TET2: variants seen among roughly 807,000 people sequenced by gnomAD.
TET2 encodes tet methylcytosine dioxygenase 2, also known as methylcytosine dioxygenase TET2.
TET2 carries 299 observed loss-of-function variants against 142.9 expected under a neutral mutation model. That is an observed-to-expected ratio of 2.09 (90% CI 1.90 to 2.30). The LOEUF is 2.30. Among genes scored for constraint, TET2 ranks in the 30% most tolerant of loss-of-function variants. TET2 has a pLI of 0.00. For synonymous variants in TET2, 819 were observed against 849.0 expected (o/e 0.96, Z 0.61); for missense variants, 2,418 against 2,378.0 (o/e 1.02, Z -0.35).
chr4:105,172,586 T>G (rs1724536019), intron 1 of TET2: 2 of 152,350 alleles, frequency 1.3e-5, no homozygotes, highest in Admixed American at 1.3e-4. Flanking sequence ...AACCTGTATT[T>G]TAAGGTCAAC....
rs1730328842 is a variant in TET2 at position 105,259,719 on chromosome 4, A to G, written c.3904A>G (p.Arg1302Gly). ...GTACTACAATGGATGTAAGTTTGCC[A>G]GAAGCAAGATCCCAAGGAAGTTTAA... ...SMYYNGCKFA[R>G]SKIPRKFKLL... Residue 1302 changes from arginine to glycine, a missense_variant, in exon 7 of 11, where the codon AGA becomes GGA. Transcript: ENST00000380013. 4 of 1,551,132 alleles carry G rather than the reference A, an allele frequency of 2.6e-6. No individual in the cohort carries two copies. Among genetic ancestry groups the G allele is most frequent in the Non-Finnish European group, 3.5e-6 (4 of 1,146,566 alleles).
At chr4:105,244,715 C>T (rs578038657) in intron 6 of TET2, among the ~76,000 whole-genome samples, 15 of 151,296 alleles carry the variant, frequency 9.9e-5, no homozygotes, top group East Asian at 3.9e-4. Context: ...CCTGCCTCAG[C>T]CTCCCTAGTA....
chr4:105,194,431 C>T (rs958747152), intron 2 of TET2, among the ~76,000 whole-genome samples: 2 of 152,012 alleles, frequency 1.3e-5, no homozygotes, highest in Admixed American at 6.6e-5. Flanking sequence ...TTCTGTTTAT[C>T]TTTCAGAAGA....
rs753055492 is a variant in TET2, at chr4:105,236,575, T to A, written c.2633T>A (p.Leu878His). Residue 878 changes from leucine to histidine, a missense_variant, in exon 3 of 11, where the codon CTT becomes CAT. Transcript: ENST00000380013. Reference protein sequence around the residue: ...FPNNVIPKQDLLHRCFQEQEQ... With the variant: ...FPNNVIPKQDHLHRCFQEQEQ... ...AATAATGTGATCCCAAAGCAAGATC[T>A]TCTTCACAGGTGCTTTCAAGAACAG... The A allele has an allele frequency of 3.1e-6, 5 of 1,614,100 alleles. No individual in the cohort carries two copies. In the South Asian group the frequency reaches 4.4e-5, roughly 14 times the overall value.
chr4:105,224,616 A>G (rs1328146573), intron 2 of TET2, among the ~76,000 whole-genome samples: 1 of 152,000 alleles, frequency 6.6e-6, no homozygotes, highest in Non-Finnish European at 1.5e-5. Context: ...CAACTGAGAT[A>G]AACATGCTTC....
In TET2 at chr4:105,235,559, GA is replaced by G; in HGVS notation, c.1618del (p.Ile540PhefsTer2). 1 of 1,614,172 alleles carries G rather than the reference GA, an allele frequency of 6.2e-7. No individual in the cohort carries two copies. Among genetic ancestry groups the G allele is most frequent in the Non-Finnish European group, 8.5e-7 (1 of 1,180,030 alleles). On this transcript the variant is annotated frameshift_variant, in exon 3 of 11. Transcript: ENST00000380013. LOFTEE classifies it high-confidence loss of function. Reference sequence around the variant, plus strand: ...AGTTGATGAGAAACAAAGAGCAAGAGATTCTGAAGGGTCGAGACAAGGAGCA... The same window carrying G: ...AGTTGATGAGAAACAAAGAGCAAGAGTTCTGAAGGGTCGAGACAAGGAGCA... Reference protein sequence around the residue: ...QQLMRNKEQEILKGRDKEQTR... With the variant: ...QQLMRNKEQEXLKGRDKEQTR...
At position 105,272,769 on chromosome 4, in the gene TET2, CT is replaced by C; in HGVS notation, c.4390del (p.Cys1464AlafsTer6). The C allele has an allele frequency of 6.4e-7, 1 of 1,551,690 alleles. No homozygotes were observed. Among genetic ancestry groups the C allele is most frequent in the Non-Finnish European group, 8.7e-7 (1 of 1,146,980 alleles). On this transcript the variant is annotated frameshift_variant, in exon 10 of 11. Coordinates refer to ENST00000380013, the MANE Select transcript of TET2 (RefSeq NM_001127208.3). LOFTEE classifies it high-confidence loss of function. ...KVRMLAEPVK[T>X]CRQRKLEAKK... ...AGGATGTTAGCAGAGCCAGTCAAGA[CT>C]TGCCGACAAAGGAAACTAGAAGCCA...
Position 105,276,912 on chromosome 4 carries a change from A to G in TET2, c.*393A>G, listed in dbSNP as rs1731256048. On this transcript the variant is annotated 3_prime_UTR_variant, in exon 11 of 11. Coordinates refer to ENST00000380013, the MANE Select transcript of TET2 (RefSeq NM_001127208.3). ...TATCAAGTTTGCATAGTCATGGAAC[A>G]CAAATCAAACAAGTACTGTAGTATT... is the stretch of plus-strand genomic sequence containing the variant. 4.3e-6 allele frequency: 1 copy of G among 230,158 alleles called. No homozygotes were observed. Among genetic ancestry groups the G allele is most frequent in the African/African-American group, 2.3e-5 (1 of 42,824 alleles). 14.3% of individuals were successfully genotyped at this position (230,158 alleles called of 1,614,324 possible).
At chr4:105,224,394 G>C (rs1273324706) in intron 2 of TET2, among the ~76,000 whole-genome samples, 1 of 152,074 alleles carries the variant, frequency 6.6e-6, no homozygotes, top group Non-Finnish European at 1.5e-5. Flanking sequence ...TCTTCAAAGA[G>C]GCCTGTCATA....
chr4:105,157,036 G>T (rs1205807185), intron 1 of TET2, among the ~76,000 whole-genome samples: 1 of 152,044 alleles, frequency 6.6e-6, no homozygotes, highest in Admixed American at 6.5e-5. Flanking sequence ...TGAGCACCCT[G>T]TAATTAATTC....
intron 1 of TET2, among the ~76,000 whole-genome samples, chr4:105,159,164 T>A (rs1222310228): frequency 7.2e-5 from 11 of 152,132 alleles, no homozygotes; most frequent in Admixed American, 7.2e-4. Flanking sequence ...GGTGTTTAGG[T>A]CAGGATATTC....
intron 3 of TET2, chr4:105,237,946 A>G: frequency 1.0e-6 from 1 of 1,005,002 alleles, no homozygotes; most frequent in South Asian, 4.7e-5. Flanking sequence ...CTTTTCTCTA[A>G]AATTTCATCT....
Position 105,151,952 on chromosome 4 carries a change from G to T in TET2, c.-193+4973G>T, listed in dbSNP as rs529807730. On this transcript the variant is annotated intron_variant, in intron 1 of 10. Transcript: ENST00000380013. ...TAGCCGGGCATGGTGGCACACACCA[G>T]TAATCCCAGCTACTCAGGAGGCTGA... 1.2e-4 allele frequency among the ~76,000 whole-genome samples: 19 copies of T among 152,150 alleles called. No homozygotes were observed. In the East Asian group the frequency reaches 3.5e-3, roughly 28 times the overall value.
Position 105,275,605 on chromosome 4 carries a change from C to T in TET2, c.5095C>T (p.Gln1699Ter). Residue 1699 changes from glutamine to a stop codon, truncating the protein, a stop_gained, in exon 11 of 11, where the codon CAA becomes TAA. Transcript: ENST00000380013. LOFTEE classifies it low-confidence loss of function (END_TRUNC). ...FTSKYLGYGN[Q>*]NMQGDGFSSC... ...ATCTAAATACTTAGGTTATGGAAAC[C>T]AAAATATGCAGGGAGATGGTTTCAG... The T allele has an allele frequency of 1.3e-6, 2 of 1,551,740 alleles. No individual in the cohort carries two copies. The highest frequency in any genetic ancestry group is 1.7e-6 in the Non-Finnish European group (2 of 1,146,982).
chr4:105,195,651 T>G (rs112141397), intron 2 of TET2, among the ~76,000 whole-genome samples: 2,096 of 152,256 alleles, frequency 0.014, 31 homozygotes, highest in Middle Eastern at 0.058. Flanking sequence ...TTACACTGTA[T>G]TGTTTAGGGA....
intron 2 of TET2, among the ~76,000 whole-genome samples, chr4:105,216,082 C>G (rs569741601): frequency 7.2e-5 from 11 of 152,250 alleles, no homozygotes; most frequent in Admixed American, 1.3e-4. Context: ...ATCTTGATTA[C>G]TAACTGTGGG....
At chr4:105,251,229 T>C (rs1729855497) in intron 6 of TET2, among the ~76,000 whole-genome samples, 1 of 152,150 alleles carries the variant, frequency 6.6e-6, no homozygotes, top group Admixed American at 6.5e-5. Flanking sequence ...TGGCTTTATG[T>C]TTTTTTCTTG....
chr4:105,215,305 T>C (rs552494279), intron 2 of TET2, among the ~76,000 whole-genome samples: 53 of 152,170 alleles, frequency 3.5e-4, no homozygotes, highest in Non-Finnish European at 5.6e-4. Flanking sequence ...GCATTTAAAC[T>C]AAAAAGAATA....
intron 6 of TET2, among the ~76,000 whole-genome samples, chr4:105,251,668 A>G (rs919736505): frequency 1.3e-5 from 2 of 152,120 alleles, no homozygotes; most frequent in African/African-American, 2.4e-5. Flanking sequence ...ATCTCTGTTG[A>G]TAAGGTATAC....
Sources: allele counts gnomAD v4.1 joint callset (sites outside exome capture counted in the v4.1 genomes callset), GRCh38; gene constraint gnomAD v4.1.1; transcripts MANE v1.5; gene names NCBI Gene and HGNC (gene_info 2026-07-23, HGNC 2026-07-21).